The following ZNF469 variants were observed in gnomAD, a reference collection of about 807,000 sequenced individuals.
ZNF469 encodes zinc finger protein 469.
ZNF469 carries 1 observed loss-of-function variant against 1.0 expected under a neutral mutation model. The observed-to-expected ratio is 1.00, with a 90% CI of 0.35 to 4.73. The LOEUF is 4.73. ZNF469 is among the 30% of genes most tolerant of loss of function. ZNF469 has a pLI of 0.16. For synonymous variants in ZNF469, 2,703 were observed against 2,363.4 expected (o/e 1.14, Z -4.17); for missense variants, 6,100 against 5,356.3 (o/e 1.14, Z -4.33).
the ZNF469 span, among the ~76,000 whole-genome samples, chr16:88,103,554 C>T: frequency 1.3e-5 from 2 of 152,232 alleles, no homozygotes; most frequent in Non-Finnish European, 2.9e-5. Flanking sequence ...CGAATCTCCC[C>T]CTCCCTAATC....
chr16:88,150,387 G>A, the ZNF469 span, among the ~76,000 whole-genome samples: 1 of 152,134 alleles, frequency 6.6e-6, no homozygotes, highest in Non-Finnish European at 1.5e-5. Context: ...TTTCCTCTCT[G>A]GATTCAGTTA....
At position 88,433,827 on chromosome 16, in the gene ZNF469, A is replaced by C. The variant is rs1906372938; in HGVS notation, c.6357A>C (p.Ser2119=). The C allele has an allele frequency of 6.5e-7, 1 of 1,549,832 alleles. No individual in the cohort carries two copies. Among genetic ancestry groups the C allele is most frequent in the South Asian group, 1.2e-5 (1 of 84,022 alleles). Residue 2119 remains serine (S), a synonymous_variant, in exon 3 of 3, where the codon TCA becomes TCC. Transcript: ENST00000565624. ...CCGCCTGCGCCCCCTCACCCACTTC[A>C]GCCGCCCACATGCCCTGCAGCCTTG... The part of the protein sequence containing the change: ...DLAACAPSPT[S]AAHMPCSLGP...
Position 88,432,229 on chromosome 16 carries a change from G to C in ZNF469, c.4759G>C (p.Glu1587Gln), listed in dbSNP as rs756421713. The C allele has an allele frequency of 6.5e-7, 1 of 1,549,616 alleles. No homozygotes were observed. The highest frequency in any genetic ancestry group is 1.2e-5 in the South Asian group (1 of 84,068). The change falls in exon 3 of 3, where the codon GAG (glutamate) becomes CAG (glutamine). Residue 1587 changes from glutamate to glutamine, a missense_variant. Glu to Gln is a conservative substitution (Grantham distance 29, BLOSUM62 2). Transcript: ENST00000565624. ...CAAAGACACACGTGGGGCCCCGAGA[G>C]AGCTTGCAGAAGCTGAGTCGGTGGG... ...RSKDTRGAPR[E>Q]LAEAESVGRV...
chr16:88,384,710 AG>A (rs2092533483), intron 1 of ZNF469, among the ~76,000 whole-genome samples: 1 of 152,210 alleles, frequency 6.6e-6, no homozygotes, highest in Non-Finnish European at 1.5e-5. Context: ...GCACAGGTGA[AG>A]GGTGTGTGGC....
the ZNF469 span, among the ~76,000 whole-genome samples, chr16:88,122,872 T>C: frequency 6.6e-6 from 1 of 152,118 alleles, no homozygotes; most frequent in Non-Finnish European, 1.5e-5. Context: ...AGATGGCGTC[T>C]CACTCTGTCC....
chr16:88,414,555 T>C (rs1905256769), intron 1 of ZNF469, among the ~76,000 whole-genome samples: 1 of 152,222 alleles, frequency 6.6e-6, no homozygotes, highest in African/African-American at 2.4e-5. Flanking sequence ...TGCCCTGGAT[T>C]GGGAGCAAGC....
chr16:88,323,748 T>G, the ZNF469 span, among the ~76,000 whole-genome samples: 1 of 152,130 alleles, frequency 6.6e-6, no homozygotes, highest in Non-Finnish European at 1.5e-5. Context: ...GTAATGGCCG[T>G]GGTCCCACAG....
the ZNF469 span, among the ~76,000 whole-genome samples, chr16:88,179,865 G>C: frequency 2.0e-5 from 3 of 152,348 alleles, no homozygotes; most frequent in Admixed American, 2.0e-4. Context: ...ACAGTACCAA[G>C]TATGGGAGGG....
chr16:88,138,227 A>G, the ZNF469 span, among the ~76,000 whole-genome samples: 1 of 152,226 alleles, frequency 6.6e-6, no homozygotes, highest in East Asian at 1.9e-4. Context: ...TTGGTGAATC[A>G]TTACTCACTG....
chr16:88,316,585 C>T, the ZNF469 span, among the ~76,000 whole-genome samples: 3 of 126,552 alleles, frequency 2.4e-5, no homozygotes, highest in Admixed American at 9.6e-5. Flanking sequence ...CTCGTTCTGT[C>T]GCTCAGGCTG....
chr16:88,217,282 G>A, the ZNF469 span, among the ~76,000 whole-genome samples: 3 of 152,084 alleles, frequency 2.0e-5, no homozygotes. Context: ...CAGGTACTCT[G>A]CTGAGTCAAG....
At chr16:88,267,394 G>A in the ZNF469 span, among the ~76,000 whole-genome samples, 2 of 152,202 alleles carry the variant, frequency 1.3e-5, no homozygotes, top group African/African-American at 4.8e-5. Flanking sequence ...CTGCCCGGGA[G>A]CCCGACGCAC....
the ZNF469 span, among the ~76,000 whole-genome samples, chr16:88,244,999 G>A: frequency 6.6e-6 from 1 of 151,986 alleles, no homozygotes; most frequent in African/African-American, 2.4e-5. Flanking sequence ...CCCATCGGAA[G>A]ACTAGGCCTT....
chr16:88,329,617 C>T, the ZNF469 span, among the ~76,000 whole-genome samples: 1 of 152,228 alleles, frequency 6.6e-6, no homozygotes, highest in African/African-American at 2.4e-5. Flanking sequence ...GGCCCCAAAT[C>T]CTGGGAGCGC....
At chr16:88,140,124 G>A in the ZNF469 span, among the ~76,000 whole-genome samples, 7 of 152,110 alleles carry the variant, frequency 4.6e-5, no homozygotes, top group African/African-American at 1.7e-4. Flanking sequence ...TACAAAAGAG[G>A]GAGTCATAAT....
chr16:88,416,815 G>C (rs887401696), intron 1 of ZNF469, among the ~76,000 whole-genome samples: 1 of 152,084 alleles, frequency 6.6e-6, no homozygotes, highest in East Asian at 1.9e-4. Flanking sequence ...CCTGCAGAAG[G>C]GTCCTGCAGG....
the ZNF469 span, among the ~76,000 whole-genome samples, chr16:88,147,224 A>T: frequency 6.6e-6 from 1 of 151,896 alleles, no homozygotes; most frequent in African/African-American, 2.4e-5. Context: ...GAGCCAAGGG[A>T]TGTAGGGGCC....
the ZNF469 span, among the ~76,000 whole-genome samples, chr16:88,297,838 A>T: frequency 6.6e-6 from 1 of 152,112 alleles, no homozygotes; most frequent in African/African-American, 2.4e-5. Context: ...GGGTCCAAGG[A>T]TTAGGACCTG....
chr16:88,380,508 GACATGCACAC>G (rs2092519123), upstream of ZNF469, among the ~76,000 whole-genome samples: 1 of 75,316 alleles, frequency 1.3e-5, no homozygotes, highest in African/African-American at 7.1e-5. Flanking sequence ...CACTCACACA[GACATGCACAC>G]ACACGCACTA....
Sources: allele counts gnomAD v4.1 joint callset (sites outside exome capture counted in the v4.1 genomes callset), GRCh38; gene constraint gnomAD v4.1.1; transcripts MANE v1.5; gene names NCBI Gene and HGNC (gene_info 2026-07-23, HGNC 2026-07-21).